Variants in SLC25A26 observed in about 807,000 individuals in gnomAD.
The protein encoded by SLC25A26 is solute carrier family 25 member 26.
Under a neutral mutation model 37.8 loss-of-function variants are expected in SLC25A26, and 36 were observed. The observed-to-expected ratio is 0.95, with a 90% CI of 0.73 to 1.26. SLC25A26 has a LOEUF of 1.26. SLC25A26 is among the 50% of genes most tolerant of loss of function. The pLI is 0.00. For synonymous variants in SLC25A26, 129 were observed against 122.5 expected (o/e 1.05, Z -0.35); for missense variants, 390 against 331.1 (o/e 1.18, Z -1.38).
rs896809279 is a variant in SLC25A26, at chr3:66,207,250, A to C, written c.-353-13492A>C. On this transcript the variant is annotated intron_variant, in intron 1 of 10. Coordinates refer to the SLC25A26 transcript ENST00000676754. ...AAACAAGGTATGGTGTGTCACTTTA[A>C]CACAGAGAAGCTACAGCCTCAGTTA... Among the ~76,000 whole-genome samples the C allele has an allele frequency of 5.4e-4, 82 of 152,244 alleles. 2 individuals are homozygous for C. Among genetic ancestry groups the C allele is most frequent in the South Asian group, 1.0e-3 (5 of 4,820 alleles).
At chr3:66,166,656 T>C (rs1025071020) in intron 1 of SLC25A26, among the ~76,000 whole-genome samples, 16 of 152,302 alleles carry the variant, frequency 1.1e-4, no homozygotes, top group African/African-American at 3.8e-4. Context: ...ATATTGGCAC[T>C]GTCTATTTGT....
chr3:66,314,381 T>C (rs1350009406), intron 5 of SLC25A26, among the ~76,000 whole-genome samples: 1 of 152,116 alleles, frequency 6.6e-6, no homozygotes, highest in East Asian at 1.9e-4. Context: ...AATCATGTGG[T>C]TTTTGTTTTT....
intron 5 of SLC25A26, among the ~76,000 whole-genome samples, chr3:66,309,793 G>A (rs1022617875): frequency 1.1e-4 from 17 of 151,252 alleles, no homozygotes; most frequent in South Asian, 2.1e-4. Context: ...GGTTGTTTCC[G>A]TGTAGTTGCG....
chr3:66,256,279 G>T (rs947550432), intron 3 of SLC25A26, among the ~76,000 whole-genome samples: 11 of 152,096 alleles, frequency 7.2e-5, no homozygotes, highest in African/African-American at 2.7e-4. Flanking sequence ...CTGGTAAGCT[G>T]TTTAATCTGT....
Position 66,209,898 on chromosome 3 carries a change from T to A in SLC25A26, c.-353-10844T>A, listed in dbSNP as rs1318356444. Among the ~76,000 whole-genome samples the A allele has an allele frequency of 6.0e-3, 229 of 38,478 alleles. 6 individuals are homozygous for A. The highest frequency in any genetic ancestry group is 0.012 in the African/African-American group (139 of 11,298). The allele number at this position is 38,478 out of a possible 152,430, so 25.2% of individuals were successfully genotyped here. On this transcript the variant is annotated intron_variant, in intron 1 of 10. Coordinates refer to the SLC25A26 transcript ENST00000676754. The stretch of plus-strand genomic sequence containing the variant: ...TATACTCCTCTCTCTCTCTCTCTAT[T>A]TATATATATATATATATATATATAT...
intron 1 of SLC25A26, among the ~76,000 whole-genome samples, chr3:66,153,234 C>G (rs1400381281): frequency 6.6e-6 from 1 of 152,132 alleles, no homozygotes; most frequent in African/African-American, 2.4e-5. Context: ...ACAGAAAAAT[C>G]TCTTTTCCCC....
intron 1 of SLC25A26, among the ~76,000 whole-genome samples, chr3:66,164,235 T>C (rs1158053501): frequency 6.6e-6 from 1 of 152,222 alleles, no homozygotes; most frequent in Non-Finnish European, 1.5e-5. Context: ...TAAAGATACT[T>C]GAAATTTTCT....
intron 5 of SLC25A26, among the ~76,000 whole-genome samples, chr3:66,341,576 C>A (rs760428389): frequency 2.6e-4 from 39 of 152,042 alleles, no homozygotes; most frequent in Non-Finnish European, 1.0e-4. Flanking sequence ...CTCCTAATGC[C>A]CCTGGCCTTG....
intron 1 of SLC25A26, among the ~76,000 whole-genome samples, chr3:66,148,992 T>G (rs533562844): frequency 1.3e-5 from 2 of 152,276 alleles, no homozygotes; most frequent in African/African-American, 4.8e-5. Context: ...TATCCTTTAT[T>G]CCTTCTGGGG....
At chr3:66,302,805 C>A (rs2075113953) in intron 5 of SLC25A26, among the ~76,000 whole-genome samples, 1 of 152,070 alleles carries the variant, frequency 6.6e-6, no homozygotes, top group Non-Finnish European at 1.5e-5. Flanking sequence ...TGATTAAAGC[C>A]CAAGCCAAAG....
chr3:66,191,409 G>A (rs965587059), intron 1 of SLC25A26, among the ~76,000 whole-genome samples: 1,699 of 151,736 alleles, frequency 0.011, 15 homozygotes, highest in Non-Finnish European at 0.017. Flanking sequence ...AGACACACAC[G>A]CACACAGAAT....
intron 5 of SLC25A26, among the ~76,000 whole-genome samples, chr3:66,312,205 A>G (rs1315435698): frequency 1.3e-5 from 2 of 152,178 alleles, no homozygotes; most frequent in Non-Finnish European, 2.9e-5. Flanking sequence ...GAGGCAGTCT[A>G]GAGAGGCAGT....
intron 5 of SLC25A26, among the ~76,000 whole-genome samples, chr3:66,263,881 A>G (rs186048144): frequency 4.1e-4 from 62 of 152,188 alleles, no homozygotes; most frequent in African/African-American, 1.4e-3. Flanking sequence ...GATGGTCTCA[A>G]TCTCCTGACC....
intron 5 of SLC25A26, among the ~76,000 whole-genome samples, chr3:66,325,961 G>A (rs375932680): frequency 6.6e-6 from 1 of 152,320 alleles, no homozygotes; most frequent in East Asian, 1.9e-4. Context: ...CAGGTGAAAA[G>A]TAATAGTAGC....
At chr3:66,216,064 T>G (rs1369778391), upstream of SLC25A26, among the ~76,000 whole-genome samples, 1 of 152,172 alleles carries the variant, frequency 6.6e-6, no homozygotes, top group Non-Finnish European at 1.5e-5. Flanking sequence ...TTTGTGAAGC[T>G]TCTTTTACGA....
intron 1 of SLC25A26, among the ~76,000 whole-genome samples, chr3:66,190,471 C>T (rs1183992575): frequency 1.3e-5 from 2 of 152,146 alleles, no homozygotes; most frequent in African/African-American, 4.8e-5. Context: ...CTCCGTCACC[C>T]AGGCTAGAGT....
intron 1 of SLC25A26, among the ~76,000 whole-genome samples, chr3:66,213,636 A>G (rs1190772776): frequency 6.6e-6 from 1 of 152,092 alleles, no homozygotes; most frequent in Non-Finnish European, 1.5e-5. Context: ...AAACATCATT[A>G]CCCCAAATCC....
rs151322285 is a variant in SLC25A26 at position 66,364,449 on chromosome 3, G to A, written c.568+1520G>A. ...ATGCTGGGGTATGGAGAAAGGGAGC[G>A]AGGTGCCCACGGCTACACATCTAGC... On this transcript the variant is annotated intron_variant, in intron 7 of 9. Transcript: ENST00000354883. 2.2e-3 allele frequency among the ~76,000 whole-genome samples: 333 copies of A among 152,268 alleles called. 3 individuals are homozygous for A. In the East Asian group the frequency reaches 0.023, roughly 10 times the overall value.
rs1458766252 is a variant in SLC25A26, at chr3:66,279,640, G to A, written c.453+16261G>A. On this transcript the variant is annotated intron_variant, in intron 5 of 9. Coordinates refer to ENST00000354883, the MANE Select transcript of SLC25A26 (RefSeq NM_001379210.1). ...CTTTGGCCTCAAATGTGTTTCACTG[G>A]TTTGTTTTTTATAGTAGGAAGGAAT... 2.6e-5 allele frequency among the ~76,000 whole-genome samples: 4 copies of A among 152,070 alleles called. No homozygotes were observed. In the East Asian group the frequency reaches 7.7e-4, roughly 29 times the overall value.
Sources: allele counts gnomAD v4.1 joint callset (sites outside exome capture counted in the v4.1 genomes callset), GRCh38; gene constraint gnomAD v4.1.1; transcripts MANE v1.5; gene names NCBI Gene and HGNC (gene_info 2026-07-23, HGNC 2026-07-21).